The following MYO6 variants were observed in gnomAD, a reference collection of about 807,000 sequenced individuals.
MYO6 encodes unconventional myosin-VI.
MYO6 carries 74 observed loss-of-function variants against 178.7 expected under a neutral mutation model. The ratio of observed to expected loss-of-function variants is 0.41; its 90% confidence interval spans 0.34 to 0.50. The LOEUF (loss-of-function observed/expected upper bound fraction) is 0.50, where lower values mean the gene tolerates loss of function less well. Ranked by LOEUF, MYO6 falls within the 20% of genes least tolerant of loss-of-function variation. The pLI is 0.09. For synonymous variants in MYO6, 477 were observed against 504.6 expected, an observed-to-expected ratio of 0.95 and a Z score of 0.73; for missense variants, 1,330 against 1,547.4, an observed-to-expected ratio of 0.86 and a Z score of 2.36.
intron 27 of MYO6, 137 bp downstream of exon 27, chr6:75,891,443 T>C: frequency 1.8e-6 from 1 of 547,764 alleles, no homozygotes; most frequent in Non-Finnish European, 3.4e-6. Context: ...CCATCCTGGC[T>C]AACATGGTGA....
At position 75,858,951 on chromosome 6, in the gene MYO6, T is replaced by C. The variant is rs1775956830; in HGVS notation, c.1431T>C (p.Asn477=). 1 of 1,611,274 alleles carries C rather than the reference T, an allele frequency of 6.2e-7. No homozygotes were observed. Among genetic ancestry groups the C allele is most frequent in the Non-Finnish European group, 8.5e-7 (1 of 1,178,000 alleles). The stretch of plus-strand genomic sequence containing the variant: ...AACAATTTTGCATCAACTATTGCAA[T>C]GAAAAACTTCAACAATTTTTTAATG... The part of the protein sequence containing the change: ...SFEQFCINYC[N]EKLQQFFNER... The change falls in exon 14 of 35, where the codon AAT becomes AAC. Residue 477 remains asparagine, a synonymous_variant. Transcript: ENST00000369977.
intron 11 of MYO6, among the ~76,000 whole-genome samples, chr6:75,849,994 A>G (rs949044115): frequency 1.3e-5 from 2 of 152,084 alleles, no homozygotes; most frequent in Non-Finnish European, 2.9e-5. Context: ...GGGAGGGGGA[A>G]GGGAGAGAGG....
chr6:75,758,124 C>T (rs531179684), intron 1 of MYO6, among the ~76,000 whole-genome samples: 84 of 151,808 alleles, frequency 5.5e-4, no homozygotes, highest in African/African-American at 2.0e-3. Flanking sequence ...ACTACAGGCA[C>T]GTGCCACCAT....
At chr6:75,779,224 G>A (rs991082799) in intron 1 of MYO6, among the ~76,000 whole-genome samples, 1 of 152,040 alleles carries the variant, frequency 6.6e-6, no homozygotes, top group East Asian at 1.9e-4. Context: ...AAACGAGGCC[G>A]GGTGCAGTGT....
intron 1 of MYO6, among the ~76,000 whole-genome samples, chr6:75,784,499 C>T (rs1181969729): frequency 2.0e-5 from 3 of 151,452 alleles, no homozygotes; most frequent in Non-Finnish European, 4.4e-5. Context: ...GTTTGCCCGG[C>T]GCGGTGGCTC....
At chr6:75,913,017 C>G (rs1291783002) in intron 33 of MYO6, among the ~76,000 whole-genome samples, 1 of 152,098 alleles carries the variant, frequency 6.6e-6, no homozygotes, top group African/African-American at 2.4e-5. Context: ...TTTGCAAATT[C>G]TTACAGAAGC....
At chr6:75,781,579 T>C (rs979436160) in intron 1 of MYO6, among the ~76,000 whole-genome samples, 1 of 152,128 alleles carries the variant, frequency 6.6e-6, no homozygotes, top group Non-Finnish European at 1.5e-5. Flanking sequence ...CAAGGTTGCA[T>C]GTGTTTCCTC....
chr6:75,763,798 CAA>C (rs1778157783), intron 1 of MYO6, among the ~76,000 whole-genome samples: 1 of 152,070 alleles, frequency 6.6e-6, no homozygotes, highest in African/African-American at 2.4e-5. Context: ...CTGAAAATAA[CAA>C]AGTTTAGAGA....
chr6:75,778,209 T>A (rs1766583071), intron 1 of MYO6, among the ~76,000 whole-genome samples: 1 of 152,216 alleles, frequency 6.6e-6, no homozygotes, highest in Admixed American at 6.5e-5. Flanking sequence ...AATTTTGCAG[T>A]AAGTCAACAG....
At chr6:75,764,870 G>T (rs1221239924) in intron 1 of MYO6, among the ~76,000 whole-genome samples, 2 of 151,768 alleles carry the variant, frequency 1.3e-5, no homozygotes, top group African/African-American at 4.8e-5. Context: ...GTGGTGGCAG[G>T]CACCTGTAGT....
chr6:75,812,015 T>C (rs970688472), intron 1 of MYO6, among the ~76,000 whole-genome samples: 17 of 151,790 alleles, frequency 1.1e-4, no homozygotes, highest in Non-Finnish European at 2.2e-4. Flanking sequence ...TTTTTTTCTG[T>C]TTTTTGTTTT....
chr6:75,833,084 T>C, intron 6 of MYO6, 137 bp downstream of exon 6: 2 of 682,880 alleles, frequency 2.9e-6, no homozygotes, highest in South Asian at 3.1e-5. Flanking sequence ...CCTCCTGGGC[T>C]CAAGCCACTG....
Position 75,867,027 on chromosome 6 carries a change from A to G in MYO6, c.1866A>G (p.Glu622=), listed in dbSNP as rs540720345. The change falls in exon 18 of 35, where the codon GAA becomes GAG. Residue 622 remains glutamate (E), a synonymous_variant. Transcript: ENST00000369977. ...SRDKFIRELF[E]SSTNNNKDTK... ...ATAAGTTTATACGGGAATTATTTGA[A>G]TCATCCACAAATAACAACAAAGATA... The G allele has an allele frequency of 5.6e-6, 9 of 1,613,458 alleles. No homozygotes were observed. In the East Asian group the frequency reaches 2.0e-4, roughly 36 times the overall value.
rs200205409 is a variant in MYO6, at chr6:75,890,216, C to T, written c.2818C>T (p.Arg940Cys). Residue 940 changes from arginine to cysteine, a missense_variant, in exon 26 of 35, where the codon CGT becomes TGT. Transcript: ENST00000369977. ...QEEMEKERKR[R>C]EEDEKRRRKE... ...AGAAATGGAAAAGGAAAGAAAAAGA[C>T]GTGAAGAAGACGAAAAACGTCGAAG... 2.0e-4 allele frequency: 322 copies of T among 1,610,088 alleles called. No homozygotes were observed. Among genetic ancestry groups the T allele is most frequent in the Non-Finnish European group, 2.6e-4 (301 of 1,176,900 alleles).
chr6:75,781,171 A>T (rs984406142), intron 1 of MYO6, among the ~76,000 whole-genome samples: 1 of 152,194 alleles, frequency 6.6e-6, no homozygotes, highest in African/African-American at 2.4e-5. Flanking sequence ...AGTAAAATTG[A>T]TTATTTTGAG....
chr6:75,840,774 A>T, intron 8 of MYO6, 92 bp downstream of exon 8: 7 of 902,900 alleles, frequency 7.8e-6, no homozygotes, highest in Admixed American at 2.0e-5. Flanking sequence ...TTAATGGTAA[A>T]TACCTTTAAG....
At chr6:75,780,151 T>C (rs565377283) in intron 1 of MYO6, among the ~76,000 whole-genome samples, 1 of 152,266 alleles carries the variant, frequency 6.6e-6, no homozygotes, top group South Asian at 2.1e-4. Flanking sequence ...ACTTTAAATA[T>C]GTGATGTGGC....
chr6:75,905,466 A>G (rs6453847), intron 30 of MYO6, among the ~76,000 whole-genome samples: 138,250 of 152,302 alleles, frequency 0.91, 62,874 homozygotes, highest in Middle Eastern at 0.96. Flanking sequence ...ATTCGGGTGG[A>G]AGTGACCCAA....
At chr6:75,905,702 G>A (rs1037259019) in intron 30 of MYO6, among the ~76,000 whole-genome samples, 1 of 152,344 alleles carries the variant, frequency 6.6e-6, no homozygotes, top group African/African-American at 2.4e-5. Flanking sequence ...GCTGGGAGCT[G>A]TACATCAGAG....
Sources: allele counts gnomAD v4.1 joint callset (sites outside exome capture counted in the v4.1 genomes callset), GRCh38; gene constraint gnomAD v4.1.1; transcripts MANE v1.5; gene names NCBI Gene and HGNC (gene_info 2026-07-23, HGNC 2026-07-21).